The following FMN1 variants were observed in gnomAD, a reference collection of about 807,000 sequenced individuals.
The protein encoded by FMN1 is formin-1.
In FMN1, 110 loss-of-function variants were observed where a neutral mutation model predicts 132.4. The observed-to-expected ratio is 0.83, with a 90% CI of 0.71 to 0.97. The LOEUF is 0.97. FMN1 is among the 50% of genes least tolerant of loss of function. The probability of loss-of-function intolerance (pLI) is 0.00; values close to 1 mark genes in which losing one functional copy is unlikely to be tolerated. For missense variants in FMN1, 1,792 were observed against 1,705.3 expected, an observed-to-expected ratio of 1.05 and a Z score of -0.90; for synonymous variants, 722 against 651.7, an observed-to-expected ratio of 1.11 and a Z score of -1.64.
intron 19 of FMN1, among the ~76,000 whole-genome samples, chr15:32,792,859 G>A (rs759692953): frequency 3.9e-5 from 6 of 152,152 alleles, no homozygotes; most frequent in South Asian, 2.1e-4. Flanking sequence ...CTTAAGGACG[G>A]CAACCACAAA....
intron 17 of FMN1, among the ~76,000 whole-genome samples, chr15:32,844,288 G>A (rs1329294677): frequency 6.6e-6 from 1 of 152,092 alleles, no homozygotes; most frequent in African/African-American, 2.4e-5. Flanking sequence ...GGTCTTTGTG[G>A]ATCCCAAGGA....
At chr15:32,784,820 T>G (rs1031333208) in intron 19 of FMN1, among the ~76,000 whole-genome samples, 2 of 152,318 alleles carry the variant, frequency 1.3e-5, no homozygotes, top group African/African-American at 2.4e-5. Flanking sequence ...TCACATTTCA[T>G]TATGATTCAT....
chr15:33,036,514 T>A (rs904753476), intron 6 of FMN1, among the ~76,000 whole-genome samples: 5 of 152,240 alleles, frequency 3.3e-5, no homozygotes, highest in Non-Finnish European at 5.9e-5. Flanking sequence ...GAAATTAGCA[T>A]GGCTCCCAAT....
intron 17 of FMN1, among the ~76,000 whole-genome samples, chr15:32,827,304 CAG>C (rs2058390843): frequency 1.3e-5 from 2 of 152,176 alleles, no homozygotes; most frequent in South Asian, 2.1e-4. Context: ...TTATCTTGAG[CAG>C]AGTTTGTGGC....
intron 6 of FMN1, among the ~76,000 whole-genome samples, chr15:33,026,351 A>G (rs1398308230): frequency 6.7e-6 from 1 of 149,718 alleles, no homozygotes; most frequent in Non-Finnish European, 1.5e-5. Flanking sequence ...ACTTTATTCT[A>G]TTTGTTTGAA....
At chr15:32,868,626 T>G (rs78730680) in intron 16 of FMN1, among the ~76,000 whole-genome samples, 1,646 of 152,278 alleles carry the variant, frequency 0.011, 16 homozygotes, top group Non-Finnish European at 0.017. Context: ...GAAAAACATC[T>G]CTCTTCATTT....
At position 33,067,421 on chromosome 15, in the gene FMN1, T is replaced by G. The variant is rs554114807; in HGVS notation, c.2044-2347A>C. 224 of 1,614,046 alleles carry G rather than the reference T, an allele frequency of 1.4e-4. 2 individuals carry two copies. The South Asian group carries it at 2.4e-3, about 17-fold the overall frequency. ...GGTGCTGCTTCCCTCCTCTGGCTCC[T>G]GGCCACCATCATCAGAGTCAGAATC... On this transcript the variant is annotated intron_variant, in intron 5 of 20. Coordinates refer to ENST00000616417, the MANE Select transcript of FMN1 (RefSeq NM_001277313.2).
chr15:32,962,712 C>G (rs1045250969), intron 9 of FMN1, among the ~76,000 whole-genome samples: 33 of 148,916 alleles, frequency 2.2e-4, no homozygotes, highest in Non-Finnish European at 4.2e-4. Context: ...CAAAAGAAGA[C>G]ATTTATGCAG....
chr15:32,943,394 A>G (rs1014457243), intron 9 of FMN1, among the ~76,000 whole-genome samples: 1 of 152,190 alleles, frequency 6.6e-6, no homozygotes, highest in South Asian at 2.1e-4. Context: ...CTTCACATCA[A>G]TACTCGCTGA....
chr15:33,143,689 A>C (rs975091531), intron 4 of FMN1, among the ~76,000 whole-genome samples: 20 of 152,168 alleles, frequency 1.3e-4, no homozygotes, highest in African/African-American at 4.8e-4. Context: ...ATTACTCCTA[A>C]GGACAATTTG....
chr15:33,021,036 TAAG>T (rs1008809602), intron 6 of FMN1, among the ~76,000 whole-genome samples: 11 of 152,208 alleles, frequency 7.2e-5, no homozygotes, highest in African/African-American at 2.7e-4. Flanking sequence ...TGACGTGATG[TAAG>T]GAGGGATTTA....
intron 4 of FMN1, among the ~76,000 whole-genome samples, chr15:33,104,815 A>C (rs1309619358): frequency 6.6e-6 from 1 of 152,178 alleles, no homozygotes; most frequent in Non-Finnish European, 1.5e-5. Flanking sequence ...AAGGGATTTG[A>C]CACTACTTGC....
Position 32,969,118 on chromosome 15 carries a change from T to C in FMN1, c.2583A>G (p.Ala861=), listed in dbSNP as rs61740952. ...HAALQPMEGM[A]SNQQKALPPP... ...GAGGCAATGCCTTCTGCTGATTTGA[T>C]GCCATGCCCTCCATTGGCTGGAGTG... Residue 861 remains alanine, a synonymous_variant, in exon 8 of 21, where the codon GCA becomes GCG. Transcript: ENST00000616417. The C allele has an allele frequency of 3.9e-3, 6,325 of 1,613,244 alleles. 19 individuals carry two copies. Among genetic ancestry groups the C allele is most frequent in the Non-Finnish European group, 4.9e-3 (5,752 of 1,179,422 alleles).
intron 4 of FMN1, among the ~76,000 whole-genome samples, chr15:33,093,766 T>C (rs2038983843): frequency 6.6e-6 from 1 of 152,206 alleles, no homozygotes; most frequent in Admixed American, 6.5e-5. Flanking sequence ...AATCAAAAAG[T>C]AGCAGAGAGT....
intron 7 of FMN1, among the ~76,000 whole-genome samples, chr15:32,995,427 CTGAGTGTTAT>C (rs2033707322): frequency 6.6e-6 from 1 of 152,178 alleles, no homozygotes; most frequent in East Asian, 1.9e-4. Context: ...TCAGTGTAAG[CTGAGTGTTAT>C]TTAGCCTTTA....
chr15:33,055,831 C>T (rs2037191613), intron 6 of FMN1, among the ~76,000 whole-genome samples: 1 of 152,046 alleles, frequency 6.6e-6, no homozygotes, highest in African/African-American at 2.4e-5. Flanking sequence ...AGAGAAAAAA[C>T]ACTTGCAACA....
intron 7 of FMN1, chr15:32,970,620 C>G (rs2031700594): frequency 1.3e-5 from 2 of 152,264 alleles, no homozygotes; most frequent in Non-Finnish European, 1.5e-5. Flanking sequence ...AAAGCATGCA[C>G]AAGTACAGCT....
chr15:32,820,322 C>G (rs1447241934), intron 17 of FMN1, among the ~76,000 whole-genome samples: 1 of 152,148 alleles, frequency 6.6e-6, no homozygotes, highest in Non-Finnish European at 1.5e-5. Context: ...AGACAGGCCA[C>G]TTTTTCTTTT....
chr15:33,139,616 T>G (rs1177521918), intron 4 of FMN1, among the ~76,000 whole-genome samples: 2 of 152,138 alleles, frequency 1.3e-5, no homozygotes, highest in South Asian at 2.1e-4. Context: ...AATAAATACC[T>G]AAGTAGCTGT....
Sources: gnomAD v4.1 joint callset for allele counts (sites outside exome capture counted in the v4.1 genomes callset) on GRCh38, gnomAD v4.1.1 for gene constraint, MANE v1.5 for transcripts, NCBI Gene and HGNC (gene_info 2026-07-23, HGNC 2026-07-21) for gene names.